Variants in DOCK8 observed in about 807,000 individuals in gnomAD.
The protein encoded by DOCK8 is dedicator of cytokinesis 8, also known as dedicator of cytokinesis protein 8.
Under a neutral mutation model 245.6 loss-of-function variants are expected in DOCK8, and 141 were observed. The ratio of observed to expected loss-of-function variants is 0.57; its 90% confidence interval spans 0.50 to 0.66. The LOEUF is 0.66. Ranked by LOEUF, DOCK8 falls within the 30% of genes least tolerant of loss-of-function variation. The probability of loss-of-function intolerance (pLI) is 0.00; values close to 1 mark genes in which losing one functional copy is unlikely to be tolerated. For synonymous variants in DOCK8, 1,168 were observed against 970.2 expected (o/e 1.20, Z -3.79); for missense variants, 2,965 against 2,603.4 (o/e 1.14, Z -3.02).
intron 1 of DOCK8, among the ~76,000 whole-genome samples, chr9:231,185 C>T (rs1447329349): frequency 1.3e-5 from 2 of 152,100 alleles, no homozygotes; most frequent in African/African-American, 4.8e-5. Flanking sequence ...TTGTTTTTGT[C>T]AGGTTTGTCA....
rs761218826 is a variant in DOCK8, at chr9:422,082, G to A, written c.4188G>A (p.Leu1396=). The change falls in exon 33 of 48, where the codon TTG becomes TTA. Residue 1396 remains leucine, a synonymous_variant. Transcript: ENST00000432829. ...NDRFPGLNEN[L]RWKKEQTHWR... is the part of the protein sequence containing the mutation. Reference sequence around the variant, plus strand: ...GATTTCCAGGCCTAAATGAAAATTTGAGATGGAAGAAAGAGCAGACACATT... The same window carrying A: ...GATTTCCAGGCCTAAATGAAAATTTAAGATGGAAGAAAGAGCAGACACATT... 2 of 1,614,092 alleles carry A rather than the reference G, an allele frequency of 1.2e-6. No individual in the cohort carries two copies. Among genetic ancestry groups the A allele is most frequent in the Non-Finnish European group, 1.7e-6 (2 of 1,180,022 alleles).
intron 7 of DOCK8, among the ~76,000 whole-genome samples, chr9:319,705 A>T (rs2050502674): frequency 6.6e-6 from 1 of 151,974 alleles, no homozygotes; most frequent in African/African-American, 2.4e-5. Context: ...CTGTCTCTGT[A>T]TTGCTTTTCA....
chr9:354,943 G>T (rs1173540848), intron 14 of DOCK8, among the ~76,000 whole-genome samples: 1 of 152,112 alleles, frequency 6.6e-6, no homozygotes, highest in Non-Finnish European at 1.5e-5. Flanking sequence ...TACATCAGAA[G>T]CGAGTCACTA....
At chr9:366,418 C>A (rs935026141) in intron 14 of DOCK8, 1 of 152,190 alleles carries the variant, frequency 6.6e-6, no homozygotes, top group Non-Finnish European at 1.5e-5. Flanking sequence ...GTAACGGCTC[C>A]TGTGTGTTCT....
intron 39 of DOCK8, among the ~76,000 whole-genome samples, chr9:438,841 C>T (rs879322224): frequency 2.6e-5 from 4 of 152,136 alleles, no homozygotes; most frequent in Non-Finnish European, 5.9e-5. Context: ...CAACATACTT[C>T]AGAAAAACAC....
At chr9:219,306 C>G (rs1369384463) in intron 1 of DOCK8, among the ~76,000 whole-genome samples, 1 of 151,888 alleles carries the variant, frequency 6.6e-6, no homozygotes, top group South Asian at 2.1e-4. Flanking sequence ...CCCGTCTCTA[C>G]TAAAAAATAC....
At chr9:358,630 C>T (rs1468900383) in intron 14 of DOCK8, among the ~76,000 whole-genome samples, 1 of 148,284 alleles carries the variant, frequency 6.7e-6, no homozygotes, top group African/African-American at 2.5e-5. Flanking sequence ...GGGCGGATCA[C>T]TTGAGGTCAG....
chr9:332,245 T>C (rs1223294906), intron 9 of DOCK8, among the ~76,000 whole-genome samples, 153 bp from the exon 10 acceptor site: 1 of 152,120 alleles, frequency 6.6e-6, no homozygotes, highest in African/African-American at 2.4e-5. Flanking sequence ...TGTATGCTAT[T>C]CTTTATATAA....
rs553018626 is a variant in DOCK8 at position 328,147 on chromosome 9, C to T, written c.1020C>T (p.Ser340=). Residue 340 remains serine (S), a synonymous_variant, in exon 9 of 48, where the codon TCC becomes TCT. Transcript: ENST00000432829. ...CAGTCTTCTCAGTCACCTACCCGTC[C>T]TCAGACATCTACCTGGTAGTCAAGG... is the stretch of plus-strand genomic sequence containing the variant. ...RSAVFSVTYP[S]SDIYLVVKIE... is the part of the protein sequence containing the mutation. 6 of 1,614,004 alleles carry T rather than the reference C, an allele frequency of 3.7e-6. 1 individual carries two copies. In the Admixed American group the frequency reaches 6.7e-5, roughly 18 times the overall value.
At chr9:255,174 A>G (rs191471221) in intron 1 of DOCK8, among the ~76,000 whole-genome samples, 2 of 152,210 alleles carry the variant, frequency 1.3e-5, no homozygotes, top group Non-Finnish European at 2.9e-5. Flanking sequence ...AGGTTTTCAT[A>G]TATGTGCCCA....
intron 6 of DOCK8, 27 bp downstream of exon 6, chr9:312,193 G>T: frequency 6.2e-7 from 1 of 1,610,818 alleles, no homozygotes; most frequent in Non-Finnish European, 8.5e-7. Flanking sequence ...CCATACTGGA[G>T]AATCTCAGTG....
intron 2 of DOCK8, among the ~76,000 whole-genome samples, chr9:278,202 T>G (rs776914371): frequency 1.3e-5 from 2 of 152,244 alleles, no homozygotes; most frequent in Non-Finnish European, 2.9e-5. Context: ...TCAGCCTTGG[T>G]GAAACTAGAG....
intron 1 of DOCK8, among the ~76,000 whole-genome samples, chr9:244,583 G>A (rs1464663587): frequency 6.6e-6 from 1 of 152,072 alleles, no homozygotes. Context: ...AAGAGGATAT[G>A]TTTTGCTCAC....
intron 8 of DOCK8, 36 bp downstream of exon 8, chr9:325,773 A>T (rs141360559): frequency 6.5e-7 from 1 of 1,544,918 alleles, no homozygotes; most frequent in East Asian, 2.3e-5. Context: ...CCTAAGGCAC[A>T]TATATTGTTC....
In DOCK8 at chr9:375,933, G is replaced by T. The variant is rs1372110562; in HGVS notation, c.2110-277G>T. On this transcript the variant is annotated intron_variant, in intron 18 of 47. Transcript: ENST00000432829. ...GATCATTTGAGCCCAGGAGGTCGAG[G>T]CTGCAGTGAACCGTGATTGCACCAC... is the stretch of plus-strand genomic sequence containing the variant. Among the ~76,000 whole-genome samples the T allele has an allele frequency of 3.3e-5, 5 of 152,208 alleles. No individual in the cohort carries two copies. The East Asian group carries it at 7.7e-4, about 23-fold the overall frequency.
intron 15 of DOCK8, chr9:369,343 G>A (rs1328397581): frequency 6.6e-6 from 1 of 152,256 alleles, no homozygotes; most frequent in Non-Finnish European, 1.5e-5. Context: ...CCAGCCAAGA[G>A]TGACTGTGGG....
chr9:412,422 GAAAA>G (rs2055781847), intron 28 of DOCK8, among the ~76,000 whole-genome samples: 1 of 135,152 alleles, frequency 7.4e-6, no homozygotes, highest in Non-Finnish European at 1.6e-5. Context: ...AAAAAAAAAA[GAAAA>G]AGAAGAAAAG....
At chr9:232,173 G>A (rs532707091) in intron 1 of DOCK8, among the ~76,000 whole-genome samples, 7 of 152,228 alleles carry the variant, frequency 4.6e-5, no homozygotes, top group African/African-American at 1.7e-4. Context: ...TTTGCCTTTG[G>A]TTCTGTTTAT....
intron 6 of DOCK8, among the ~76,000 whole-genome samples, chr9:316,330 TAA>T (rs1263298090): frequency 6.6e-6 from 1 of 152,234 alleles, no homozygotes; most frequent in Non-Finnish European, 1.5e-5. Flanking sequence ...TGAATATAAT[TAA>T]CATAGAATGA....
Sources: gnomAD v4.1 joint callset for allele counts (sites outside exome capture counted in the v4.1 genomes callset) on GRCh38, gnomAD v4.1.1 for gene constraint, MANE v1.5 for transcripts, NCBI Gene and HGNC (gene_info 2026-07-23, HGNC 2026-07-21) for gene names.